ARHGEF6: variants seen among roughly 807,000 people sequenced by gnomAD.
ARHGEF6 encodes rho guanine nucleotide exchange factor 6.
A neutral mutation model predicts 70.3 loss-of-function variants in ARHGEF6; 9 were observed. That is an observed-to-expected ratio of 0.13 (90% CI 0.08 to 0.22). The LOEUF is 0.22. Among genes scored for constraint, ARHGEF6 ranks in the 10% least tolerant of loss-of-function variants. The pLI is 1.00. For missense variants in ARHGEF6, 470 were observed against 563.0 expected, an observed-to-expected ratio of 0.83 and a Z score of 1.67; for synonymous variants, 201 against 207.8, an observed-to-expected ratio of 0.97 and a Z score of 0.28.
Position 136,746,165 on chromosome X carries a change from A to G in ARHGEF6, c.335-818T>C, listed in dbSNP as rs755829790. Among the ~76,000 whole-genome samples, 3 of 112,197 alleles carry G rather than the reference A, an allele frequency of 2.7e-5. No homozygotes were observed. In the Admixed American group the frequency reaches 2.8e-4, roughly 11 times the overall value. ...TGGGTTTTAACTTTCACCTCCTTGT[A>G]TTTTATAAATATCTGTGGCAAGGGA... is the stretch of plus-strand genomic sequence containing the variant. On this transcript the variant is annotated intron_variant, in intron 3 of 21. Coordinates refer to ENST00000250617, the MANE Select transcript of ARHGEF6 (RefSeq NM_004840.3).
chrX:136,769,601 G>C (rs1263438156), intron 2 of ARHGEF6, among the ~76,000 whole-genome samples: 2 of 111,071 alleles, frequency 1.8e-5, no homozygotes, highest in African/African-American at 6.6e-5. Flanking sequence ...TCAGAGACCA[G>C]TCGGTCATGT....
rs150171886 is a variant in ARHGEF6, at chrX:136,717,975, G to C, written c.733-4605C>G. Among the ~76,000 whole-genome samples the C allele has an allele frequency of 7.9e-3, 880 of 111,705 alleles. 8 individuals carry two copies. Among genetic ancestry groups the C allele is most frequent in the African/African-American group, 0.027 (832 of 30,867 alleles). On this transcript the variant is annotated intron_variant, in intron 6 of 21. Coordinates refer to ENST00000250617, the MANE Select transcript of ARHGEF6 (RefSeq NM_004840.3). Reference sequence around the variant, plus strand: ...CGAACAACGAAAAGGGCAACAAATAGAAAACAGTAACAAGTATGGTAGGCA... The same window carrying C: ...CGAACAACGAAAAGGGCAACAAATACAAAACAGTAACAAGTATGGTAGGCA...
At position 136,666,500 on chromosome X, in the gene ARHGEF6, T is replaced by C. The variant is rs1462676131; in HGVS notation, c.*1529A>G. ...CCTCCTGAGTAGCTGGGACCACAGG[T>C]GTGGGCCACCATGCCTGGCTTCAAG... is the stretch of plus-strand genomic sequence containing the variant. On this transcript the variant is annotated 3_prime_UTR_variant, in exon 22 of 22. Coordinates refer to ENST00000250617, the MANE Select transcript of ARHGEF6 (RefSeq NM_004840.3). The C allele has an allele frequency of 8.9e-6, 1 of 112,036 alleles. No individual in the cohort carries two copies. The highest frequency in any genetic ancestry group is 2.8e-4 in the East Asian group (1 of 3,591). 9.2% of individuals were successfully genotyped at this position (112,036 alleles called of 1,213,427 possible).
intron 2 of ARHGEF6, among the ~76,000 whole-genome samples, chrX:136,760,664 T>C (rs929018441): frequency 2.7e-5 from 3 of 112,017 alleles, no homozygotes; most frequent in African/African-American, 9.7e-5. Flanking sequence ...ACATACTGTG[T>C]TTTTTAAATA....
intron 2 of ARHGEF6, among the ~76,000 whole-genome samples, chrX:136,766,281 G>A (rs1401295136): frequency 8.2e-5 from 8 of 97,146 alleles, no homozygotes; most frequent in African/African-American, 3.1e-4. Context: ...AGTTTTCCAG[G>A]CAAATATAAG....
intron 12 of ARHGEF6, 132 bp from the exon 13 acceptor site, chrX:136,682,976 A>G: frequency 1.9e-6 from 1 of 531,237 alleles, no homozygotes; most frequent in South Asian, 3.1e-5. Flanking sequence ...TTTTTTTTTA[A>G]AAAAGATACC....
intron 8 of ARHGEF6, among the ~76,000 whole-genome samples, chrX:136,708,017 A>C (rs762220793): frequency 2.0e-4 from 23 of 112,402 alleles, no homozygotes; most frequent in Admixed American, 1.8e-3. Context: ...TTCAACTCTT[A>C]ATATAATAGA....
At position 136,780,774 on chromosome X, in the gene ARHGEF6, T is replaced by C; in HGVS notation, c.109A>G (p.Asn37Asp). 1 of 1,211,140 alleles carries C rather than the reference T, an allele frequency of 8.3e-7. No homozygotes were observed. Among genetic ancestry groups the C allele is most frequent in the Non-Finnish European group, 1.1e-6 (1 of 895,343 alleles). Residue 37 changes from asparagine to aspartate, a missense_variant, in exon 1 of 22, where the codon AAT (asparagine) becomes GAT (aspartate). Physicochemically the swap from Asn to Asp is conservative, Grantham distance 23 (BLOSUM62 1). Coordinates refer to ENST00000250617, the MANE Select transcript of ARHGEF6 (RefSeq NM_004840.3). ...PEEFLKSSLK[N>D]GVVLCKLINR... ...ATCAGTTTGCACAGAACTACCCCAT[T>C]TTTCAGCGAGGACTTTAAAAACTCC...
chrX:136,677,336 A>G lies in ARHGEF6; in HGVS notation c.1851+600T>C, dbSNP rs760669982. On this transcript the variant is annotated intron_variant, in intron 17 of 21. Transcript: ENST00000250617. ...TTAGAAGTAACACACCCACAGCCAAACTTAACTATCCATATATAAAGCCAT... is the reference window on the plus strand; with the variant it reads ...TTAGAAGTAACACACCCACAGCCAAGCTTAACTATCCATATATAAAGCCAT... Among the ~76,000 whole-genome samples the G allele has an allele frequency of 1.7e-4, 19 of 112,288 alleles. No homozygotes were observed. The South Asian group carries it at 6.6e-3, about 39-fold the overall frequency.
At chrX:136,755,368 G>A (rs954678483) in intron 2 of ARHGEF6, among the ~76,000 whole-genome samples, 3 of 111,482 alleles carry the variant, frequency 2.7e-5, no homozygotes, top group South Asian at 3.8e-4. Context: ...TATGAAGTCC[G>A]TGAGAATACC....
chrX:136,680,795 A>G lies in ARHGEF6; in HGVS notation c.1640T>C (p.Ile547Thr). The G allele has an allele frequency of 8.3e-7, 1 of 1,211,533 alleles. No individual in the cohort carries two copies. The highest frequency in any genetic ancestry group is 1.1e-6 in the Non-Finnish European group (1 of 895,102). The change falls in exon 15 of 22, where the codon ATC becomes ACC. Residue 547 changes from isoleucine to threonine, a missense_variant. By Grantham distance (89) the Ile-to-Thr change is moderately conservative. This residue lies in a region of ARHGEF6 where 379 missense variants were observed against 449.3 expected (regional missense o/e 0.84). Coordinates refer to ENST00000250617, the MANE Select transcript of ARHGEF6 (RefSeq NM_004840.3). ...TGAACTGCAAGAGGCAGGTCCTCTG[A>G]TCAGTCTGTTCAGCTGCTCCAACCA... Reference protein sequence around the residue: ...QEWLEQLNRLIRGPASCSSLS... With the variant: ...QEWLEQLNRLTRGPASCSSLS...
At chrX:136,694,131 C>A (rs1355136771) in intron 9 of ARHGEF6, among the ~76,000 whole-genome samples, 5 of 107,923 alleles carry the variant, frequency 4.6e-5, no homozygotes, top group Non-Finnish European at 9.6e-5. Flanking sequence ...TGGCTCACTG[C>A]AACCTCCACC....
intron 17 of ARHGEF6, among the ~76,000 whole-genome samples, chrX:136,677,151 C>A (rs965426928): frequency 1.8e-5 from 2 of 112,538 alleles, no homozygotes; most frequent in African/African-American, 6.5e-5. Flanking sequence ...TTTCAAAGAG[C>A]TTCAAAGCTA....
At chrX:136,748,062 G>A (rs2148663887) in intron 2 of ARHGEF6, among the ~76,000 whole-genome samples, 1 of 112,012 alleles carries the variant, frequency 8.9e-6, no homozygotes, top group South Asian at 3.7e-4. Flanking sequence ...TTGAGTCACT[G>A]TCAAAAGTGC....
rs763643449 is a variant in ARHGEF6 at position 136,700,107 on chromosome X, T to A, written c.1046+6801A>T. 3.6e-5 allele frequency among the ~76,000 whole-genome samples: 4 copies of A among 111,390 alleles called. No homozygotes were observed. In the East Asian group the frequency reaches 1.1e-3, roughly 31 times the overall value. On this transcript the variant is annotated intron_variant, in intron 9 of 21. Transcript: ENST00000250617. ...AAATTGAGACTTGTTCATAACATTA[T>A]AGAATGTGTCCCCTTCCCCAACACC...
intron 9 of ARHGEF6, among the ~76,000 whole-genome samples, chrX:136,694,484 T>C (rs1032473701): frequency 1.8e-5 from 2 of 111,699 alleles, no homozygotes; most frequent in African/African-American, 6.5e-5. Flanking sequence ...GTACACAACT[T>C]TTTGGGGGGT....
rs1207018046 is a variant in ARHGEF6, at chrX:136,743,776, T to C, written c.470A>G (p.Glu157Gly). The C allele has an allele frequency of 3.3e-5, 40 of 1,209,088 alleles. No individual in the cohort carries two copies. Among genetic ancestry groups the C allele is most frequent in the Non-Finnish European group, 4.2e-5 (38 of 894,356 alleles). ...QRQSKTVEMT[E>G]NGSHQLIVKA... The stretch of plus-strand genomic sequence containing the variant: ...TACTATCAACTGATGACTTCCATTT[T>C]CCGTCATCTCCTAGAGAAACAAAAG... Residue 157 changes from glutamate to glycine, a missense_variant, in exon 5 of 22, where the codon GAA (glutamate) becomes GGA (glycine). Transcript: ENST00000250617.
At chrX:136,748,488 T>G (rs1001310587) in intron 2 of ARHGEF6, among the ~76,000 whole-genome samples, 1 of 112,579 alleles carries the variant, frequency 8.9e-6, no homozygotes, top group Non-Finnish European at 1.9e-5. Context: ...ATATTGAGTC[T>G]CAAATATGTA....
At position 136,712,710 on chromosome X, in the gene ARHGEF6, GC is replaced by G. The variant is rs772983608; in HGVS notation, c.827+565del. On this transcript the variant is annotated intron_variant, in intron 7 of 21. Transcript: ENST00000250617. ...AAAGCTTTCAATTCTTTCAATTCAG[GC>G]TTTACACAATCACTTCAGATTTCTA... is the stretch of plus-strand genomic sequence containing the variant. Among the ~76,000 whole-genome samples the G allele has an allele frequency of 1.2e-4, 13 of 112,037 alleles. No individual in the cohort carries two copies. In the South Asian group the frequency reaches 4.4e-3, roughly 38 times the overall value.
Sources: allele counts gnomAD v4.1 joint callset (sites outside exome capture counted in the v4.1 genomes callset), GRCh38; gene constraint gnomAD v4.1.1; regional missense constraint gnomAD v4.1.1; transcripts MANE v1.5; gene names NCBI Gene and HGNC (gene_info 2026-07-23, HGNC 2026-07-21).